KNL1: variants seen among roughly 807,000 people sequenced by gnomAD.
The protein encoded by KNL1 is outer kinetochore KNL1 complex subunit KNL1.
KNL1 carries 66 observed loss-of-function variants against 201.3 expected under a neutral mutation model. The observed-to-expected ratio is 0.33, with a 90% confidence interval of 0.27 to 0.40. The LOEUF (loss-of-function observed/expected upper bound fraction) is 0.40, where lower values mean the gene tolerates loss of function less well. KNL1 is among the 10% of genes least tolerant of loss of function. KNL1 has a pLI of 1.00. For synonymous variants in KNL1, 895 were observed against 899.2 expected, an observed-to-expected ratio of 1.00 and a Z score of 0.08; for missense variants, 2,815 against 2,690.5, an observed-to-expected ratio of 1.05 and a Z score of -1.02.
chr15:40,653,115 T>G (rs1893620594), intron 21 of KNL1, among the ~76,000 whole-genome samples: 1 of 152,096 alleles, frequency 6.6e-6, no homozygotes, highest in African/African-American at 2.4e-5. Flanking sequence ...TAGGAATCAC[T>G]CTATACCTCT....
intron 1 of KNL1, 147 bp from the exon 2 acceptor site, chr15:40,602,768 A>C: frequency 2.0e-6 from 1 of 504,968 alleles, no homozygotes; most frequent in Admixed American, 3.7e-5. Flanking sequence ...TACAGGCATG[A>C]GCCACTGCGC....
chr15:40,632,303 T>A (rs1352002158), intron 13 of KNL1, among the ~76,000 whole-genome samples: 1 of 149,958 alleles, frequency 6.7e-6, no homozygotes, highest in Non-Finnish European at 1.5e-5. Context: ...TACTCATAGA[T>A]TAAAAGAGAC....
At chr15:40,654,445 G>A (rs1893659434) in intron 21 of KNL1, among the ~76,000 whole-genome samples, 1 of 151,788 alleles carries the variant, frequency 6.6e-6, no homozygotes, top group South Asian at 2.1e-4. Context: ...TCTCAGGGGA[G>A]CCTTTACTAG....
chr15:40,627,939 A>G (rs746643477), intron 10 of KNL1, 131 bp from the exon 11 acceptor site: 92 of 644,982 alleles, frequency 1.4e-4, no homozygotes, highest in Middle Eastern at 9.1e-4. Context: ...TACTTATTCT[A>G]ATTCTTCACT....
intron 24 of KNL1, among the ~76,000 whole-genome samples, chr15:40,658,642 A>G (rs1325600099): frequency 6.6e-6 from 1 of 151,398 alleles, no homozygotes; most frequent in African/African-American, 2.4e-5. Context: ...AGAAAATGAA[A>G]TTGGGCTGGG....
intron 17 of KNL1, chr15:40,650,099 T>C (rs192982450): frequency 3.6e-4 from 161 of 441,608 alleles, no homozygotes; most frequent in African/African-American, 3.1e-3. Context: ...CACCCCTTTG[T>C]TGACTACCTT....
At position 40,625,099 on chromosome 15, in the gene KNL1, C is replaced by T; in HGVS notation, c.4835C>T (p.Ser1612Phe). 5 of 1,613,810 alleles carry T rather than the reference C, an allele frequency of 3.1e-6. No individual in the cohort carries two copies. In the South Asian group the frequency reaches 3.3e-5, roughly 11 times the overall value. ...GAAATACATAATATTAACATAATCT[C>T]CAGCAATGCTAAAGATAGTAGAGAT... The part of the protein sequence containing the change: ...ATEIHNINII[S>F]SNAKDSRDEE... Residue 1612 changes from serine to phenylalanine, a missense_variant, in exon 10 of 26, where the codon TCC (serine) becomes TTC (phenylalanine). Ser to Phe is a radical substitution (Grantham distance 155, BLOSUM62 -2). Coordinates refer to ENST00000399668, the MANE Select transcript of KNL1 (RefSeq NM_144508.5).
chr15:40,601,074 G>A (rs950770285), intron 1 of KNL1, among the ~76,000 whole-genome samples: 1 of 152,210 alleles, frequency 6.6e-6, no homozygotes, highest in African/African-American at 2.4e-5. Context: ...TAGGTCCACT[G>A]CCTGGATGGC....
chr15:40,624,280 T>C lies in KNL1; in HGVS notation c.4016T>C (p.Leu1339Pro). The C allele has an allele frequency of 6.2e-7, 1 of 1,614,098 alleles. No individual in the cohort carries two copies. The highest frequency in any genetic ancestry group is 8.5e-7 in the Non-Finnish European group (1 of 1,179,962). Residue 1339 changes from leucine (L) to proline (P), a missense_variant, in exon 10 of 26, where the codon CTT becomes CCT. By Grantham distance (98) the Leu-to-Pro change is moderately conservative (BLOSUM62 -3). Around this residue, in one of 3 missense-constraint regions of KNL1, gnomAD observed 2,464 missense variants for 2,291.7 expected, o/e 1.08. Transcript: ENST00000399668. ...KANYCPVQNDLAYANDFASEY... is the reference protein window; with the variant it reads ...KANYCPVQNDPAYANDFASEY... The stretch of plus-strand genomic sequence containing the variant: ...AATTATTGCCCAGTGCAAAATGATC[T>C]TGCTTATGCAAATGATTTTGCCAGT...
Position 40,629,281 on chromosome 15 carries a change from A to T in KNL1, c.5592A>T (p.Gln1864His). 6.3e-7 allele frequency: 1 copy of T among 1,582,040 alleles called. No individual in the cohort carries two copies. The highest frequency in any genetic ancestry group is 8.5e-7 in the Non-Finnish European group (1 of 1,171,152). Residue 1864 changes from glutamine (Q) to histidine (H), a missense_variant, in exon 13 of 26, where the codon CAA becomes CAT. Around this residue, in one of 3 missense-constraint regions of KNL1, gnomAD observed 2,464 missense variants for 2,291.7 expected, o/e 1.08. Transcript: ENST00000399668. ...TTTTTTTCTTTTCTCAGAAACTCCA[A>T]GATGGGAGAATAACAATAAGGGAGT... ...ICEESLREKL[Q>H]DGRITIREFF...
At chr15:40,597,909 C>T (rs574136502) in intron 1 of KNL1, among the ~76,000 whole-genome samples, 17 of 152,274 alleles carry the variant, frequency 1.1e-4, no homozygotes, top group African/African-American at 4.1e-4. Flanking sequence ...CGGTGGCTCA[C>T]GCCTGTCATC....
Position 40,650,531 on chromosome 15 carries a change from T to C in KNL1, c.6173-13T>C, listed in dbSNP as rs751104487. 6.5e-6 allele frequency: 10 copies of C among 1,535,216 alleles called. No individual in the cohort carries two copies. The East Asian group carries it at 2.0e-4, about 31-fold the overall frequency. ...ATGTTTGTTCTGTTTTTTTTTTTTT[T>C]CTGTTTCCAAAGAATTGGAACAGCT... On this transcript the variant is annotated splice_polypyrimidine_tract_variant and intron_variant, in intron 18 of 25. Coordinates refer to ENST00000399668, the MANE Select transcript of KNL1 (RefSeq NM_144508.5).
chr15:40,649,899 T>C (rs1385294340), intron 17 of KNL1, among the ~76,000 whole-genome samples: 1 of 152,306 alleles, frequency 6.6e-6, no homozygotes, highest in East Asian at 1.9e-4. Flanking sequence ...CACATCTACT[T>C]GTATTATAGT....
At chr15:40,605,215 A>T (rs1030696722) in intron 3 of KNL1, 66 bp downstream of exon 3, 1 of 895,772 alleles carries the variant, frequency 1.1e-6, no homozygotes, top group Non-Finnish European at 1.9e-6. Flanking sequence ...ATATCACAGT[A>T]GTTTTGACTG....
At chr15:40,661,982 A>G (rs1399164265) in intron 25 of KNL1, 92 bp from the exon 26 acceptor site, 2 of 681,484 alleles carry the variant, frequency 2.9e-6, no homozygotes, top group Non-Finnish European at 5.3e-6. Context: ...TGGAGCTTGC[A>G]GTGAGCGGAT....
intron 13 of KNL1, among the ~76,000 whole-genome samples, chr15:40,633,014 T>G (rs916053132): frequency 6.6e-6 from 1 of 152,128 alleles, no homozygotes; most frequent in African/African-American, 2.4e-5. Flanking sequence ...ACGGACCACA[T>G]ATACACAGGG....
At chr15:40,638,748 C>G (rs1057091694) in intron 13 of KNL1, among the ~76,000 whole-genome samples, 2 of 152,106 alleles carry the variant, frequency 1.3e-5, no homozygotes, top group African/African-American at 4.8e-5. Flanking sequence ...CTGCCTTGGC[C>G]TCCCAAAGTG....
Position 40,624,682 on chromosome 15 carries a change from A to G in KNL1, c.4418A>G (p.Lys1473Arg). 6.2e-7 allele frequency: 1 copy of G among 1,612,662 alleles called. No homozygotes were observed. The highest frequency in any genetic ancestry group is 8.5e-7 in the Non-Finnish European group (1 of 1,179,342). Residue 1473 changes from lysine (K) to arginine (R), a missense_variant, in exon 10 of 26, where the codon AAG (lysine) becomes AGG (arginine). Transcript: ENST00000399668. ...GTAATACTGTCTAAAGCTGGAAATA[A>G]GAGTTTAAATATTATAGAAAATTCC... ...EEVILSKAGN[K>R]SLNIIENSSA...
At chr15:40,640,813 A>G (rs1000669949) in intron 13 of KNL1, 99 bp from the exon 14 acceptor site, 13 of 747,462 alleles carry the variant, frequency 1.7e-5, no homozygotes, top group Non-Finnish European at 3.0e-5. Flanking sequence ...TTTTCTTTGT[A>G]GAACATTTTA....
Sources: gnomAD v4.1 joint callset for allele counts (sites outside exome capture counted in the v4.1 genomes callset) on GRCh38, gnomAD v4.1.1 for gene constraint, gnomAD v4.1.1 regional missense constraint, MANE v1.5 for transcripts, NCBI Gene and HGNC (gene_info 2026-07-23, HGNC 2026-07-21) for gene names.